The following AGPAT4 variants were observed in gnomAD, a reference collection of about 807,000 sequenced individuals.
AGPAT4 encodes the protein 1-acylglycerol-3-phosphate O-acyltransferase 4, also known as 1-acyl-sn-glycerol-3-phosphate acyltransferase delta.
A neutral mutation model predicts 48.0 loss-of-function variants in AGPAT4; 15 were observed. That is an observed-to-expected ratio of 0.31 (90% CI 0.21 to 0.48). The LOEUF (loss-of-function observed/expected upper bound fraction) is 0.48, where lower values mean the gene tolerates loss of function less well. AGPAT4 is among the 20% of genes least tolerant of loss of function. The pLI, the probability that AGPAT4 is intolerant of heterozygous loss-of-function variation, is 0.99. For missense variants in AGPAT4, 314 were observed against 482.5 expected (o/e 0.65, Z 3.27); for synonymous variants, 178 against 198.7 (o/e 0.90, Z 0.88).
At chr6:161,186,286 C>T (rs1780766748) in intron 2 of AGPAT4, among the ~76,000 whole-genome samples, 1 of 152,314 alleles carries the variant, frequency 6.6e-6, no homozygotes, top group East Asian at 1.9e-4. Flanking sequence ...GCCTACAAAT[C>T]TGGGAATCAG....
In AGPAT4 at chr6:161,251,659, T is replaced by C. The variant is rs1782808086; in HGVS notation, c.-89-19357A>G. On this transcript the variant is annotated intron_variant, in intron 1 of 8. Transcript: ENST00000320285. This position sits in a 1 kb window ranked among gnomAD's most constrained non-coding sequence, Gnocchi z 4.6. ...CTGAGAGCTCCTGCAAGTTCATTTG[T>C]GCCAACGTATTCCCAGGTGGGAATG... Among the ~76,000 whole-genome samples the C allele has an allele frequency of 6.6e-6, 1 of 152,206 alleles. No homozygotes were observed. Among genetic ancestry groups the C allele is most frequent in the Non-Finnish European group, 1.5e-5 (1 of 68,030 alleles).
rs1004781475 is a variant in AGPAT4, at chr6:161,244,239, G to A, written c.-89-11937C>T. ...CAAAGAACAGGTAGGTCACAGTGCC[G>A]TCTGCCTCCCGCAAAGAAGCAGGAA... is the stretch of plus-strand genomic sequence containing the variant. On this transcript the variant is annotated intron_variant, in intron 1 of 8. Coordinates refer to ENST00000320285, the MANE Select transcript of AGPAT4 (RefSeq NM_020133.3). The surrounding 1 kb of genome is among the most constrained non-coding windows in gnomAD (Gnocchi z 4.7). 7.9e-5 allele frequency among the ~76,000 whole-genome samples: 12 copies of A among 152,142 alleles called. No individual in the cohort carries two copies. Among genetic ancestry groups the A allele is most frequent in the Non-Finnish European group, 1.2e-4 (8 of 68,030 alleles).
At position 161,219,330 on chromosome 6, in the gene AGPAT4, T is replaced by C. The variant is rs1279166600; in HGVS notation, c.178+12706A>G. Among the ~76,000 whole-genome samples the C allele has an allele frequency of 6.6e-6, 1 of 152,002 alleles. No homozygotes were observed. The highest frequency in any genetic ancestry group is 3.2e-3 in the Middle Eastern group (1 of 316). On this transcript the variant is annotated intron_variant, in intron 2 of 8. Transcript: ENST00000320285. This position sits in a 1 kb window ranked among gnomAD's most constrained non-coding sequence, Gnocchi z 4.9. The stretch of plus-strand genomic sequence containing the variant: ...TGTATTTTATATAATTTAAAAAATA[T>C]ATAAAATGTCCTATCCAGACATTTA...
chr6:161,241,263 C>CAAAA (rs61634719), intron 1 of AGPAT4, among the ~76,000 whole-genome samples: 1 of 90,502 alleles, frequency 1.1e-5, no homozygotes, highest in Non-Finnish European at 2.3e-5. Flanking sequence ...AACTCTGTCT[C>CAAAA]AAAAAAAAAA....
chr6:161,196,142 A>G lies in AGPAT4; in HGVS notation c.179-29725T>C, dbSNP rs990233444. Among the ~76,000 whole-genome samples, 2 of 152,214 alleles carry G rather than the reference A, an allele frequency of 1.3e-5. No homozygotes were observed. Among genetic ancestry groups the G allele is most frequent in the Admixed American group, 6.5e-5 (1 of 15,290 alleles). Reference sequence around the variant, plus strand: ...GAATGGTGTGGTTCGCCATCTTAAGAGCACTGTCTTTCTAGGAGAAAAGAA... The same window carrying G: ...GAATGGTGTGGTTCGCCATCTTAAGGGCACTGTCTTTCTAGGAGAAAAGAA... On this transcript the variant is annotated intron_variant, in intron 2 of 8. Transcript: ENST00000320285. The surrounding 1 kb of genome is among the most constrained non-coding windows in gnomAD (Gnocchi z 4.3).
Position 161,184,793 on chromosome 6 carries a change from C to T in AGPAT4, c.179-18376G>A, listed in dbSNP as rs10945719. On this transcript the variant is annotated intron_variant, in intron 2 of 8. Coordinates refer to ENST00000320285, the MANE Select transcript of AGPAT4 (RefSeq NM_020133.3). This position sits in a 1 kb window ranked among gnomAD's most constrained non-coding sequence, Gnocchi z 4.8. ...CCTAGGAGCAATGAGAGCTTGGTAG[C>T]CATAAATACCATCAGCCCTTAGATT... 0.36 allele frequency among the ~76,000 whole-genome samples: 55,398 copies of T among 151,920 alleles called. 10,631 individuals are homozygous for T. Among genetic ancestry groups the T allele is most frequent in the East Asian group, 0.71 (3,648 of 5,144 alleles).
In AGPAT4 at chr6:161,226,055, C is replaced by T. The variant is rs968771267; in HGVS notation, c.178+5981G>A. ...GTTACTGAACCCTCTTCTGGGAAGG[C>T]GATCACCATCTGGGAACTGATAAGG... On this transcript the variant is annotated intron_variant, in intron 2 of 8. Transcript: ENST00000320285. The surrounding 1 kb of genome is among the most constrained non-coding windows in gnomAD (Gnocchi z 6.3). Among the ~76,000 whole-genome samples, 11 of 152,218 alleles carry T rather than the reference C, an allele frequency of 7.2e-5. No homozygotes were observed. Among genetic ancestry groups the T allele is most frequent in the African/African-American group, 1.2e-4 (5 of 41,540 alleles).
chr6:161,138,231 G>T lies in AGPAT4; in HGVS notation c.1042+1191C>A, dbSNP rs1366856382. On this transcript the variant is annotated intron_variant, in intron 8 of 8. Coordinates refer to ENST00000320285, the MANE Select transcript of AGPAT4 (RefSeq NM_020133.3). The surrounding 1 kb of genome is among the most constrained non-coding windows in gnomAD (Gnocchi z 4.8). Reference sequence around the variant, plus strand: ...TATTTTTTTCCCTTACACGGTGTGGGTGTTGTTTTAATATTTTAATTTTTA... The same window carrying T: ...TATTTTTTTCCCTTACACGGTGTGGTTGTTGTTTTAATATTTTAATTTTTA... 6.6e-6 allele frequency among the ~76,000 whole-genome samples: 1 copy of T among 152,194 alleles called. No individual in the cohort carries two copies. Among genetic ancestry groups the T allele is most frequent in the Non-Finnish European group, 1.5e-5 (1 of 68,022 alleles).
intron 1 of AGPAT4, among the ~76,000 whole-genome samples, chr6:161,257,716 G>A (rs888536273): frequency 2.1e-4 from 32 of 152,006 alleles, no homozygotes; most frequent in African/African-American, 7.7e-4. Context: ...AAATTAAAAA[G>A]GAATGTGGAC....
rs1025581013 is a variant in AGPAT4 at position 161,242,687 on chromosome 6, T to G, written c.-89-10385A>C. On this transcript the variant is annotated intron_variant, in intron 1 of 8. Transcript: ENST00000320285. The surrounding 1 kb of genome is among the most constrained non-coding windows in gnomAD (Gnocchi z 5.0). ...TCCAAAAAATTTTATCAACTCCTGATGAAAAATCCAATATGATAAATCCAA... is the reference window on the plus strand; with the variant it reads ...TCCAAAAAATTTTATCAACTCCTGAGGAAAAATCCAATATGATAAATCCAA... Among the ~76,000 whole-genome samples, 7 of 152,200 alleles carry G rather than the reference T, an allele frequency of 4.6e-5. No individual in the cohort carries two copies. The highest frequency in any genetic ancestry group is 4.6e-4 in the Admixed American group (7 of 15,282).
chr6:161,240,262 A>G lies in AGPAT4; in HGVS notation c.-89-7960T>C, dbSNP rs9458165. 4.6e-3 allele frequency among the ~76,000 whole-genome samples: 669 copies of G among 145,250 alleles called. 3 individuals are homozygous for G. The highest frequency in any genetic ancestry group is 7.9e-3 in the Non-Finnish European group (517 of 65,804). ...CACACACACACACACACACACACACACACACTTAAACAAGTCTGTCCACCT... is the reference window on the plus strand; with the variant it reads ...CACACACACACACACACACACACACGCACACTTAAACAAGTCTGTCCACCT... On this transcript the variant is annotated intron_variant, in intron 1 of 8. Transcript: ENST00000320285. The surrounding 1 kb of genome is among the most constrained non-coding windows in gnomAD (Gnocchi z 5.5).
intron 1 of AGPAT4, among the ~76,000 whole-genome samples, chr6:161,247,359 A>T (rs929875968): frequency 1.3e-5 from 2 of 152,240 alleles, no homozygotes; most frequent in African/African-American, 4.8e-5. Context: ...TAAAATGCAG[A>T]CATTTTACCA....
Position 161,219,357 on chromosome 6 carries a change from G to A in AGPAT4, c.178+12679C>T, listed in dbSNP as rs1781739867. 6.6e-6 allele frequency among the ~76,000 whole-genome samples: 1 copy of A among 151,804 alleles called. No individual in the cohort carries two copies. Among genetic ancestry groups the A allele is most frequent in the Non-Finnish European group, 1.5e-5 (1 of 67,984 alleles). Reference sequence around the variant, plus strand: ...TAAAATGTCCTATCCAGACATTTATGATATGATAGAATATGATGGCATGAT... The same window carrying A: ...TAAAATGTCCTATCCAGACATTTATAATATGATAGAATATGATGGCATGAT... On this transcript the variant is annotated intron_variant, in intron 2 of 8. Transcript: ENST00000320285. This position sits in a 1 kb window ranked among gnomAD's most constrained non-coding sequence, Gnocchi z 4.9.
intron 2 of AGPAT4, among the ~76,000 whole-genome samples, chr6:161,186,435 C>A (rs1389052951): frequency 6.6e-6 from 1 of 152,054 alleles, no homozygotes; most frequent in East Asian, 1.9e-4. Context: ...TGCACACCAC[C>A]GACGGCCCCT....
At position 161,264,272 on chromosome 6, in the gene AGPAT4, C is replaced by T. The variant is rs986175838; in HGVS notation, c.-90+9666G>A. On this transcript the variant is annotated intron_variant, in intron 1 of 8. Coordinates refer to ENST00000320285, the MANE Select transcript of AGPAT4 (RefSeq NM_020133.3). This position sits in a 1 kb window ranked among gnomAD's most constrained non-coding sequence, Gnocchi z 6.8. ...CCTCCTGGCTTTCAGACCTGTGCCT[C>T]TTCTGGGCCTCCCCTCCCAGAGCTG... 6.6e-6 allele frequency among the ~76,000 whole-genome samples: 1 copy of T among 152,172 alleles called. No individual in the cohort carries two copies. Among genetic ancestry groups the T allele is most frequent in the Non-Finnish European group, 1.5e-5 (1 of 68,030 alleles).
chr6:161,187,848 T>A (rs767705235), intron 2 of AGPAT4, among the ~76,000 whole-genome samples: 2 of 152,278 alleles, frequency 1.3e-5, no homozygotes, highest in East Asian at 1.9e-4. Flanking sequence ...CCGGCCCAAC[T>A]TTTTTTATTT....
At chr6:161,192,386 G>A (rs1160314059) in intron 2 of AGPAT4, among the ~76,000 whole-genome samples, 1 of 152,060 alleles carries the variant, frequency 6.6e-6, no homozygotes, top group Non-Finnish European at 1.5e-5. Flanking sequence ...CCTGACCTCA[G>A]GTGATCTGCC....
Position 161,144,006 on chromosome 6 carries a change from A to C in AGPAT4, c.843+2518T>G. ...CACCACACTTCTGACTGCAAGGTTG[A>C]TCATTAAAATGAAATCCCACTTTGA... is the stretch of plus-strand genomic sequence containing the variant. On this transcript the variant is annotated intron_variant, in intron 7 of 8. Coordinates refer to ENST00000320285, the MANE Select transcript of AGPAT4 (RefSeq NM_020133.3). The surrounding 1 kb of genome is among the most constrained non-coding windows in gnomAD (Gnocchi z 6.6). The C allele has an allele frequency of 2.5e-6, 1 of 406,020 alleles. No homozygotes were observed. Among genetic ancestry groups the C allele is most frequent in the Non-Finnish European group, 5.1e-6 (1 of 196,964 alleles). 25.2% of individuals were successfully genotyped at this position (406,020 alleles called of 1,614,324 possible).
chr6:161,181,556 G>A (rs1041231919), intron 2 of AGPAT4, among the ~76,000 whole-genome samples: 6 of 151,914 alleles, frequency 3.9e-5, no homozygotes, highest in Non-Finnish European at 4.4e-5. Context: ...CTTGGCTCCT[G>A]TGGGCATGTG....
Sources: gnomAD v4.1 joint callset for allele counts (sites outside exome capture counted in the v4.1 genomes callset) on GRCh38, gnomAD v4.1.1 for gene constraint, Gnocchi (gnomAD v3.1) non-coding constraint, MANE v1.5 for transcripts, NCBI Gene and HGNC (gene_info 2026-07-23, HGNC 2026-07-21) for gene names.